ZNF559: variants seen among roughly 807,000 people sequenced by gnomAD.
ZNF559 encodes the protein zinc finger protein 559.
ZNF559 carries 17 observed loss-of-function variants against 14.2 expected under a neutral mutation model. The observed-to-expected ratio is 1.20, with a 90% CI of 0.82 to 1.80. The LOEUF (loss-of-function observed/expected upper bound fraction) is 1.80. ZNF559 is among the 40% of genes most tolerant of loss of function. The pLI is 0.00. For missense variants in ZNF559, 740 were observed against 629.7 expected, an observed-to-expected ratio of 1.18 and a Z score of -1.88; for synonymous variants, 244 against 212.4, an observed-to-expected ratio of 1.15 and a Z score of -1.29.
chr19:9,339,380 C>G (rs546610690), intron 5 of ZNF559, 61 bp downstream of exon 5: 1 of 1,539,410 alleles, frequency 6.5e-7, no homozygotes, highest in Non-Finnish European at 8.8e-7. Flanking sequence ...TCTTAAGTAA[C>G]TATGTTCTAG....
At chr19:9,324,289 A>C in intron 1 of ZNF559, 61 bp downstream of exon 1, 1 of 1,535,716 alleles carries the variant, frequency 6.5e-7, no homozygotes, top group Non-Finnish European at 8.7e-7. Flanking sequence ...CGAGAGTAGA[A>C]GGGTGGAAAG....
intron 5 of ZNF559, among the ~76,000 whole-genome samples, chr19:9,340,733 A>ATTTTTTTTTTTTTTT (rs201367378): frequency 1.1e-3 from 140 of 124,594 alleles, no homozygotes; most frequent in African/African-American, 1.6e-3. Context: ...TGCCTGGCTA[A>ATTTTTTTTTTTTTTT]TTTTTTTTTT....
In ZNF559 at chr19:9,342,935, G is replaced by C; in HGVS notation, c.1484G>C (p.Cys495Ser). 6.2e-7 allele frequency: 1 copy of C among 1,614,180 alleles called. No homozygotes were observed. The highest frequency in any genetic ancestry group is 8.5e-7 in the Non-Finnish European group (1 of 1,180,018). ...RTHTGERPFE[C>S]QECGKAFTRS... is the part of the protein sequence containing the mutation. ...CACACTGGTGAACGGCCCTTTGAAT[G>C]TCAGGAATGTGGGAAAGCCTTTACT... Residue 495 changes from cysteine (C) to serine (S), a missense_variant, in exon 7 of 7, where the codon TGT (cysteine) becomes TCT (serine). Transcript: ENST00000603380.
chr19:9,331,842 A>G (rs1402056874), intron 2 of ZNF559, among the ~76,000 whole-genome samples: 3 of 152,162 alleles, frequency 2.0e-5, no homozygotes, highest in Non-Finnish European at 4.4e-5. Flanking sequence ...ATTTTTTATG[A>G]TATATTACTT....
chr19:9,344,714 A>G lies in ZNF559; in HGVS notation c.*1646A>G, dbSNP rs10418104. 0.61 allele frequency: 92,593 copies of G among 151,918 alleles called. 28,848 individuals are homozygous for G. Among genetic ancestry groups the G allele is most frequent in the African/African-American group, 0.73 (30,154 of 41,412 alleles). 9.4% of individuals were successfully genotyped at this position (151,918 alleles called of 1,614,324 possible). ...AAATTATTTAAGTTTGCCTTTCTAT[A>G]TGTCTTTAAAGACTAATGATATTGA... On this transcript the variant is annotated 3_prime_UTR_variant, in exon 7 of 7. Coordinates refer to ENST00000603380, the MANE Select transcript of ZNF559 (RefSeq NM_032497.3).
intron 6 of ZNF559, 145 bp downstream of exon 6, chr19:9,341,329 T>C: frequency 3.6e-6 from 3 of 840,380 alleles, no homozygotes; most frequent in Non-Finnish European, 6.0e-6. Flanking sequence ...GGAGAGACTA[T>C]GGATCATGAG....
At chr19:9,324,915 T>C (rs143676580) in intron 2 of ZNF559, 135 bp downstream of exon 2, 69 of 714,984 alleles carry the variant, frequency 9.7e-5, no homozygotes, top group Middle Eastern at 8.1e-4. Context: ...CATGAGTGGA[T>C]GAATGCACAT....
intron 2 of ZNF559, among the ~76,000 whole-genome samples, chr19:9,326,467 C>T (rs893238288): frequency 5.3e-5 from 8 of 152,022 alleles, no homozygotes; most frequent in African/African-American, 9.7e-5. Flanking sequence ...AAAATGCTGC[C>T]GTTCTCATGC....
At chr19:9,324,824 T>G in intron 2 of ZNF559, 44 bp downstream of exon 2, 1 of 1,502,238 alleles carries the variant, frequency 6.7e-7, no homozygotes, top group Non-Finnish European at 9.0e-7. Flanking sequence ...TGTCGGGTCT[T>G]GAAGTTTAAG....
Position 9,343,250 on chromosome 19 carries a change from A to T in ZNF559, c.*182A>T. ...CATATGAATGTAAGGAATGTGGGAA[A>T]ATCTTGGCTCCTTCCATAGGCCTTA... On this transcript the variant is annotated 3_prime_UTR_variant, in exon 7 of 7. Transcript: ENST00000603380. 1.4e-6 allele frequency: 2 copies of T among 1,415,496 alleles called. No individual in the cohort carries two copies. The highest frequency in any genetic ancestry group is 1.8e-6 in the Non-Finnish European group (2 of 1,088,136). 87.7% of individuals were successfully genotyped at this position (1,415,496 alleles called of 1,614,324 possible).
At chr19:9,332,687 C>A (rs1168691236) in intron 2 of ZNF559, among the ~76,000 whole-genome samples, 2 of 152,116 alleles carry the variant, frequency 1.3e-5, no homozygotes, top group Non-Finnish European at 2.9e-5. Context: ...TCAATCAGTC[C>A]ACACTCTGCT....
chr19:9,324,402 C>G, intron 1 of ZNF559, 174 bp downstream of exon 1: 1 of 1,469,658 alleles, frequency 6.8e-7, no homozygotes, highest in Non-Finnish European at 9.0e-7. Context: ...GAGCCACAGT[C>G]AGGTCTGTCC....
At position 9,337,858 on chromosome 19, in the gene ZNF559, G is replaced by A. The variant is rs949480542; in HGVS notation, c.-57G>A. On this transcript the variant is annotated splice_region_variant and 5_prime_UTR_variant, in exon 3 of 7. Transcript: ENST00000603380. ...TAATGCCTGTTGCTGAAAGATTGAC[G>A]GTATGAGGCAAGACTCCCACTACTA... 21 of 1,502,372 alleles carry A rather than the reference G, an allele frequency of 1.4e-5. No individual in the cohort carries two copies. The highest frequency in any genetic ancestry group is 6.2e-5 in the Admixed American group (3 of 48,200). 93.1% of individuals were successfully genotyped at this position (1,502,372 alleles called of 1,614,324 possible).
Position 9,342,286 on chromosome 19 carries a change from GCTTTTTC to G in ZNF559, c.837_843del (p.Phe280GlnfsTer7). The G allele has an allele frequency of 6.3e-7, 1 of 1,587,588 alleles. No individual in the cohort carries two copies. Among genetic ancestry groups the G allele is most frequent in the Non-Finnish European group, 8.5e-7 (1 of 1,170,972 alleles). ...ACATAAGAAATTTGGCAAAGCCTTT[GCTTTTTC>G]CCCAGATCTTGCTAAACATATAAGA... On this transcript the variant is annotated frameshift_variant, in exon 7 of 7. Coordinates refer to ENST00000603380, the MANE Select transcript of ZNF559 (RefSeq NM_032497.3). LOFTEE classifies it low-confidence loss of function (END_TRUNC).
intron 2 of ZNF559, among the ~76,000 whole-genome samples, chr19:9,334,842 T>C (rs145724104): frequency 0.026 from 3,891 of 152,190 alleles, 76 homozygotes; most frequent in Non-Finnish European, 0.041. Flanking sequence ...AGTATAAAAT[T>C]GGCTGGTCAT....
chr19:9,333,296 A>C (rs559726781), intron 2 of ZNF559, among the ~76,000 whole-genome samples: 6 of 152,350 alleles, frequency 3.9e-5, no homozygotes, highest in Non-Finnish European at 8.8e-5. Flanking sequence ...AGAGTTATGC[A>C]TCCAGGAGGA....
chr19:9,338,621 T>G (rs778487210), intron 4 of ZNF559, 39 bp downstream of exon 4: 16 of 1,466,458 alleles, frequency 1.1e-5, no homozygotes, highest in Admixed American at 1.7e-5. Context: ...AGCATATGCT[T>G]CTTCCTACCA....
chr19:9,335,669 G>A (rs1264011694), intron 2 of ZNF559, among the ~76,000 whole-genome samples: 5 of 152,090 alleles, frequency 3.3e-5, no homozygotes, highest in African/African-American at 1.2e-4. Context: ...CACGTAGCTG[G>A]CACTACAGAC....
Position 9,343,853 on chromosome 19 carries a change from A to T in ZNF559, c.*785A>T. The T allele has an allele frequency of 1.0e-6, 1 of 962,354 alleles. No homozygotes were observed. Among genetic ancestry groups the T allele is most frequent in the Non-Finnish European group, 1.2e-6 (1 of 809,002 alleles). The allele number at this position is 962,354 out of a possible 1,614,324, so 59.6% of individuals were successfully genotyped here. ...ATATCTAGCTGGTCTGAAGATCCTG[A>T]GTTATCTCAATTGTTCACGGTTACA... is the stretch of plus-strand genomic sequence containing the variant. On this transcript the variant is annotated 3_prime_UTR_variant, in exon 7 of 7. Coordinates refer to ENST00000603380, the MANE Select transcript of ZNF559 (RefSeq NM_032497.3).
Sources: allele counts gnomAD v4.1 joint callset (sites outside exome capture counted in the v4.1 genomes callset), GRCh38; gene constraint gnomAD v4.1.1; transcripts MANE v1.5; gene names NCBI Gene and HGNC (gene_info 2026-07-23, HGNC 2026-07-21).